Variants in FRY observed in about 807,000 individuals in gnomAD.
FRY encodes FRY microtubule binding protein.
Under a neutral mutation model 348.4 loss-of-function variants are expected in FRY, and 128 were observed. The observed-to-expected ratio is 0.37, with a 90% CI of 0.32 to 0.43. The LOEUF is 0.43. Ranked by LOEUF, FRY falls within the 20% of genes least tolerant of loss-of-function variation. FRY has a pLI of 1.00. For missense variants in FRY, 2,736 were observed against 3,695.2 expected (o/e 0.74, Z 6.73); for synonymous variants, 1,370 against 1,374.7 (o/e 1.00, Z 0.08).
chr13:32,088,240 C>T (rs768705948), intron 2 of FRY, among the ~76,000 whole-genome samples: 7 of 152,188 alleles, frequency 4.6e-5, no homozygotes, highest in African/African-American at 7.2e-5. Context: ...AAAGTAATTT[C>T]ATGTAGCTCC....
intron 31 of FRY, among the ~76,000 whole-genome samples, chr13:32,204,086 A>C (rs715129): frequency 6.6e-6 from 1 of 152,010 alleles, no homozygotes; most frequent in African/African-American, 2.4e-5. Context: ...AATATTTATA[A>C]ACCCTGGTAT....
intron 60 of FRY, among the ~76,000 whole-genome samples, chr13:32,294,854 T>C (rs1031243220): frequency 2.8e-4 from 42 of 152,224 alleles, no homozygotes; most frequent in Non-Finnish European, 1.2e-4. Flanking sequence ...ATATTCTTTT[T>C]GGTTTTGCCC....
intron 1 of FRY, among the ~76,000 whole-genome samples, chr13:32,049,974 C>G (rs900156412): frequency 6.6e-6 from 1 of 152,134 alleles, no homozygotes; most frequent in African/African-American, 2.4e-5. Flanking sequence ...AGAATATTTG[C>G]GTTGAGGTTA....
chr13:32,249,727 G>A (rs1486941423), intron 49 of FRY, 40 bp downstream of exon 49: 1 of 1,585,558 alleles, frequency 6.3e-7, no homozygotes, highest in African/African-American at 1.3e-5. Flanking sequence ...AGGGAGTTTA[G>A]GGACCTGTTG....
chr13:32,049,993 T>C (rs559368949), intron 1 of FRY, among the ~76,000 whole-genome samples: 13 of 152,366 alleles, frequency 8.5e-5, no homozygotes, highest in African/African-American at 3.1e-4. Context: ...TAAAAGGTGA[T>C]GGCGGGGTTC....
chr13:32,127,334 C>T (rs1315621739), intron 7 of FRY, among the ~76,000 whole-genome samples: 1 of 151,774 alleles, frequency 6.6e-6, no homozygotes, highest in Admixed American at 6.6e-5. Flanking sequence ...ACAGTATTTA[C>T]TAAATAAAAT....
intron 17 of FRY, among the ~76,000 whole-genome samples, chr13:32,169,035 T>C (rs923855567): frequency 6.6e-6 from 1 of 152,224 alleles, no homozygotes; most frequent in Non-Finnish European, 1.5e-5. Context: ...TTGTCTTGTA[T>C]TTGTTGGTGA....
rs181646717 is a variant in FRY, at chr13:32,148,872, A to G, written c.1393-876A>G. Reference sequence around the variant, plus strand: ...TTTGGTGCAATGAAATAGTTCTGTAATATTTGTACTTAGGGAAAGGACATT... The same window carrying G: ...TTTGGTGCAATGAAATAGTTCTGTAGTATTTGTACTTAGGGAAAGGACATT... On this transcript the variant is annotated intron_variant, in intron 13 of 60. Coordinates refer to ENST00000542859, the MANE Select transcript of FRY (RefSeq NM_023037.3). Among the ~76,000 whole-genome samples, 749 of 152,224 alleles carry G rather than the reference A, an allele frequency of 4.9e-3. 28 individuals are homozygous for G. The highest frequency in any genetic ancestry group is 9.6e-4 in the Non-Finnish European group (65 of 68,008).
chr13:32,168,608 C>G (rs1239057221), intron 17 of FRY, among the ~76,000 whole-genome samples: 2 of 152,228 alleles, frequency 1.3e-5, no homozygotes, highest in African/African-American at 4.8e-5. Context: ...CAGGTTAAAG[C>G]CTTCTCATTC....
intron 7 of FRY, among the ~76,000 whole-genome samples, chr13:32,130,054 C>CTTTTT (rs746424659): frequency 7.8e-6 from 1 of 128,038 alleles, no homozygotes; most frequent in Non-Finnish European, 1.6e-5. Flanking sequence ...CTCCCCCAGC[C>CTTTTT]TTTTTTTTTT....
At chr13:32,098,647 A>G (rs1021747917) in intron 2 of FRY, among the ~76,000 whole-genome samples, 3 of 151,948 alleles carry the variant, frequency 2.0e-5, no homozygotes, top group Non-Finnish European at 4.4e-5. Context: ...AAGTAGAGAC[A>G]ACACTCATAA....
chr13:32,101,813 G>C, intron 2 of FRY, 150 bp from the exon 3 acceptor site: 1 of 604,812 alleles, frequency 1.7e-6, no homozygotes, highest in South Asian at 1.9e-5. Context: ...CAATACCTAA[G>C]GGAGAATACC....
intron 59 of FRY, among the ~76,000 whole-genome samples, chr13:32,292,282 CCAAA>C (rs1476487627): frequency 3.3e-5 from 5 of 152,002 alleles, no homozygotes; most frequent in African/African-American, 7.2e-5. Context: ...CACACCCGGC[CCAAA>C]CAAAGTTTCT....
chr13:32,124,148 T>A (rs975294476), intron 4 of FRY, 138 bp from the exon 5 acceptor site: 19 of 656,738 alleles, frequency 2.9e-5, no homozygotes, highest in African/African-American at 2.2e-4. Flanking sequence ...AACGTTAGCA[T>A]GTATCTACCA....
chr13:32,262,518 C>A (rs1189568460), intron 53 of FRY, 43 bp downstream of exon 53: 8 of 1,498,058 alleles, frequency 5.3e-6, no homozygotes, highest in African/African-American at 2.8e-5. Context: ...TCCCTTAAAA[C>A]CCTTAAAAAA....
chr13:32,258,068 A>T (rs1593810855), intron 51 of FRY: 2 of 928,770 alleles, frequency 2.2e-6, no homozygotes, highest in East Asian at 4.8e-5. Context: ...TCCCTTCCAG[A>T]ATATATATGC....
intron 51 of FRY, among the ~76,000 whole-genome samples, chr13:32,255,589 A>C (rs956226907): frequency 2.6e-5 from 4 of 152,220 alleles, no homozygotes; most frequent in Non-Finnish European, 5.9e-5. Flanking sequence ...GTCCGTAAGC[A>C]GTATAAAGGC....
intron 58 of FRY, among the ~76,000 whole-genome samples, chr13:32,288,567 G>T (rs1219964741): frequency 6.6e-6 from 1 of 152,168 alleles, no homozygotes; most frequent in Non-Finnish European, 1.5e-5. Context: ...AAATTCTTGT[G>T]ATTTCTCTCC....
intron 3 of FRY, among the ~76,000 whole-genome samples, chr13:32,109,258 C>G (rs1417894593): frequency 6.6e-6 from 1 of 152,158 alleles, no homozygotes; most frequent in East Asian, 1.9e-4. Flanking sequence ...GAGTGCCTGA[C>G]ACATACTAGG....
Sources: gnomAD v4.1 joint callset for allele counts (sites outside exome capture counted in the v4.1 genomes callset) on GRCh38, gnomAD v4.1.1 for gene constraint, MANE v1.5 for transcripts, NCBI Gene and HGNC (gene_info 2026-07-23, HGNC 2026-07-21) for gene names.